The following HIVEP1 variants were observed in gnomAD, a reference collection of about 807,000 sequenced individuals.
HIVEP1 encodes zinc finger protein 40.
A neutral mutation model predicts 180.0 loss-of-function variants in HIVEP1; 36 were observed. That is an observed-to-expected ratio of 0.20 (90% CI 0.15 to 0.26). The LOEUF (loss-of-function observed/expected upper bound fraction) is 0.26, where lower values mean the gene tolerates loss of function less well. Among genes scored for constraint, HIVEP1 ranks in the 10% least tolerant of loss-of-function variants. The pLI is 1.00. For missense variants in HIVEP1, 3,143 were observed against 3,268.7 expected (o/e 0.96, Z 0.94); for synonymous variants, 1,239 against 1,239.0 (o/e 1.00, Z 0.00).
chr6:12,092,969 G>A (rs1194980681), intron 3 of HIVEP1, among the ~76,000 whole-genome samples: 1 of 152,150 alleles, frequency 6.6e-6, no homozygotes, highest in African/African-American at 2.4e-5. Flanking sequence ...TTCAGGTAGG[G>A]TGTGATGAAG....
upstream of HIVEP1, chr6:12,008,804 C>A (rs1169988285): frequency 6.6e-6 from 1 of 152,210 alleles, no homozygotes; most frequent in Non-Finnish European, 1.5e-5. Flanking sequence ...CTTTTGGTTT[C>A]TGCTTTTTTG....
At chr6:12,155,288 T>G (rs1759962312) in intron 7 of HIVEP1, among the ~76,000 whole-genome samples, 1 of 152,194 alleles carries the variant, frequency 6.6e-6, no homozygotes, top group Non-Finnish European at 1.5e-5. Context: ...GGGGTACATG[T>G]GCAGGGTGTG....
At chr6:12,194,757 G>T in the HIVEP1 span, among the ~76,000 whole-genome samples, 10 of 152,196 alleles carry the variant, frequency 6.6e-5, no homozygotes, top group Non-Finnish European at 1.5e-4. Context: ...AGCAGAGATC[G>T]CGCCACTGCA....
chr6:12,133,243 A>G (rs76061118), intron 6 of HIVEP1, among the ~76,000 whole-genome samples: 1 of 152,268 alleles, frequency 6.6e-6, no homozygotes, highest in African/African-American at 2.4e-5. Flanking sequence ...ATTTGTTTTC[A>G]TGATTCTACG....
At chr6:12,047,930 C>G (rs1442580252) in intron 2 of HIVEP1, among the ~76,000 whole-genome samples, 9 of 152,178 alleles carry the variant, frequency 5.9e-5, no homozygotes. Context: ...CAGTACCCTC[C>G]TTGCTTTTCA....
chr6:12,166,195 T>A (rs1438775561), downstream of HIVEP1, among the ~76,000 whole-genome samples: 2 of 152,222 alleles, frequency 1.3e-5, no homozygotes, highest in South Asian at 2.1e-4. Context: ...TGTCATGAAC[T>A]TTTTATTGCC....
chr6:12,073,015 C>G (rs1772087376), intron 2 of HIVEP1, among the ~76,000 whole-genome samples: 1 of 152,110 alleles, frequency 6.6e-6, no homozygotes, highest in Admixed American at 6.5e-5. Flanking sequence ...AATTTTTAAT[C>G]ACATAGAGAA....
At chr6:12,183,880 A>G in the HIVEP1 span, among the ~76,000 whole-genome samples, 1 of 152,210 alleles carries the variant, frequency 6.6e-6, no homozygotes, top group African/African-American at 2.4e-5. Flanking sequence ...ATAAATAGCT[A>G]ACAAAAATAA....
chr6:12,168,391 TATA>T (rs201483442), downstream of HIVEP1, among the ~76,000 whole-genome samples: 480 of 139,996 alleles, frequency 3.4e-3, 3 homozygotes, highest in African/African-American at 0.012. Context: ...TATGTATATA[TATA>T]ATATTTTATA....
intron 2 of HIVEP1, among the ~76,000 whole-genome samples, chr6:12,084,868 T>G: frequency 6.6e-6 from 1 of 152,048 alleles, no homozygotes; most frequent in Non-Finnish European, 1.5e-5. Flanking sequence ...TAGAAGTAGG[T>G]GAGACATGAC....
At position 12,120,461 on chromosome 6, in the gene HIVEP1, A is replaced by G. The variant is rs1415634055; in HGVS notation, c.666A>G (p.Glu222=). 1 of 1,614,182 alleles carries G rather than the reference A, an allele frequency of 6.2e-7. No homozygotes were observed. Among genetic ancestry groups the G allele is most frequent in the Admixed American group, 1.7e-5 (1 of 60,026 alleles). The change falls in exon 4 of 9, where the codon GAA becomes GAG. Residue 222 remains glutamate, a synonymous_variant. Coordinates refer to ENST00000379388, the MANE Select transcript of HIVEP1 (RefSeq NM_002114.4). The part of the protein sequence containing the change: ...QKGSPCAIKT[E]KLRPNKTARS... ...GCTCACCTTGTGCAATTAAGACAGAAAAACTGAGGCCAAATAAAACTGCAC... is the reference window on the plus strand; with the variant it reads ...GCTCACCTTGTGCAATTAAGACAGAGAAACTGAGGCCAAATAAAACTGCAC...
At chr6:12,117,169 T>C (rs1052270428) in intron 3 of HIVEP1, among the ~76,000 whole-genome samples, 1 of 152,128 alleles carries the variant, frequency 6.6e-6, no homozygotes, top group Non-Finnish European at 1.5e-5. Flanking sequence ...GAAGATATCA[T>C]AGAAGAAAAG....
At chr6:12,140,194 C>G (rs567442162) in intron 7 of HIVEP1, among the ~76,000 whole-genome samples, 9 of 152,230 alleles carry the variant, frequency 5.9e-5, no homozygotes, top group Non-Finnish European at 1.0e-4. Context: ...GTTCTTCAGC[C>G]TCTGCTGGTG....
intron 7 of HIVEP1, among the ~76,000 whole-genome samples, chr6:12,149,012 G>T (rs1220378374): frequency 6.6e-6 from 1 of 152,166 alleles, no homozygotes; most frequent in Non-Finnish European, 1.5e-5. Context: ...TCAGGAACCA[G>T]TACTATGAAA....
At chr6:12,130,216 T>A (rs1008638125) in intron 5 of HIVEP1, among the ~76,000 whole-genome samples, 6 of 152,224 alleles carry the variant, frequency 3.9e-5, no homozygotes, top group African/African-American at 1.4e-4. Context: ...TCATTGCCCA[T>A]TAGATATCTT....
chr6:12,109,963 T>G (rs1774777866), intron 3 of HIVEP1, among the ~76,000 whole-genome samples: 1 of 152,256 alleles, frequency 6.6e-6, no homozygotes, highest in Admixed American at 6.5e-5. Context: ...ATGGACATTG[T>G]ATTACCAGGC....
intron 2 of HIVEP1, chr6:12,039,013 A>AC (rs1769491284): frequency 6.6e-6 from 1 of 152,156 alleles, no homozygotes; most frequent in African/African-American, 2.4e-5. Context: ...GAATGTTGTT[A>AC]CCCCTTTGGT....
At chr6:12,058,396 C>CGTTG (rs1771007784) in intron 2 of HIVEP1, among the ~76,000 whole-genome samples, 1 of 152,094 alleles carries the variant, frequency 6.6e-6, no homozygotes, top group Non-Finnish European at 1.5e-5. Context: ...ATTTTAGTTC[C>CGTTG]ACTCCCAAGT....
rs188280220 is a variant in HIVEP1 at position 12,036,298 on chromosome 6, T to C, written c.40+20630T>C. Reference sequence around the variant, plus strand: ...AGACTAATAAATTGATCTTATGCTCTGGCAGACATTAAAAATGATAATTTT... The same window carrying C: ...AGACTAATAAATTGATCTTATGCTCCGGCAGACATTAAAAATGATAATTTT... On this transcript the variant is annotated intron_variant, in intron 2 of 8. Coordinates refer to ENST00000379388, the MANE Select transcript of HIVEP1 (RefSeq NM_002114.4). Among the ~76,000 whole-genome samples, 420 of 152,352 alleles carry C rather than the reference T, an allele frequency of 2.8e-3. 1 individual carries two copies. Among genetic ancestry groups the C allele is most frequent in the Non-Finnish European group, 4.8e-3 (325 of 68,036 alleles).
Sources: allele counts gnomAD v4.1 joint callset (sites outside exome capture counted in the v4.1 genomes callset), GRCh38; gene constraint gnomAD v4.1.1; transcripts MANE v1.5; gene names NCBI Gene and HGNC (gene_info 2026-07-23, HGNC 2026-07-21).